Variants in FLNC observed in about 807,000 individuals in gnomAD.
FLNC encodes the protein filamin-C.
FLNC carries 91 observed loss-of-function variants against 254.3 expected under a neutral mutation model. That is an observed-to-expected ratio of 0.36 (90% CI 0.30 to 0.43). The LOEUF (loss-of-function observed/expected upper bound fraction) is 0.43, where lower values mean the gene tolerates loss of function less well. Ranked by LOEUF, FLNC falls within the 20% of genes least tolerant of loss-of-function variation. FLNC has a pLI of 1.00. For missense variants in FLNC, 2,853 were observed against 3,802.6 expected (o/e 0.75, Z 6.57); for synonymous variants, 1,430 against 1,577.2 (o/e 0.91, Z 2.21).
chr7:128,843,512 C>T lies in FLNC; in HGVS notation c.2746C>T (p.Arg916Trp), dbSNP rs762095761. Reference sequence around the variant, plus strand: ...AGGGACAGCCAAGGGCGAGGTTGTGCGGGACTTTGAGATCATAGACAACCA... The same window carrying T: ...AGGGACAGCCAAGGGCGAGGTTGTGTGGGACTTTGAGATCATAGACAACCA... ...FAGTAKGEVVRDFEIIDNHDY... is the reference protein window; with the variant it reads ...FAGTAKGEVVWDFEIIDNHDY... The change falls in exon 18 of 48, where the codon CGG becomes TGG. Residue 916 changes from arginine (R) to tryptophan (W), a missense_variant. Arg to Trp is a moderately radical substitution (Grantham distance 101, BLOSUM62 -3). Coordinates refer to ENST00000325888, the MANE Select transcript of FLNC (RefSeq NM_001458.5). The T allele has an allele frequency of 5.6e-6, 9 of 1,613,892 alleles. No homozygotes were observed. Among genetic ancestry groups the T allele is most frequent in the Admixed American group, 3.3e-5 (2 of 59,998 alleles).
Position 128,841,270 on chromosome 7 carries a change from C to T in FLNC, c.1914C>T (p.Tyr638=), listed in dbSNP as rs757352623. 24 of 1,613,942 alleles carry T rather than the reference C, an allele frequency of 1.5e-5. 1 individual carries two copies. The highest frequency in any genetic ancestry group is 1.7e-5 in the Admixed American group (1 of 60,000). The change falls in exon 12 of 48, where the codon TAC becomes TAT. Residue 638 remains tyrosine (Y), a synonymous_variant. Transcript: ENST00000325888. The surrounding 1 kb of genome is among the most constrained non-coding windows in gnomAD (Gnocchi z 4.3). The stretch of plus-strand genomic sequence containing the variant: ...ACTGGCCCACGGAGCCTGGGGAGTA[C>T]GCTGTGCACGTCATCTGTGACGATG... ...VRYWPTEPGE[Y]AVHVICDDED...
Position 128,841,953 on chromosome 7 carries a change from C to A in FLNC, c.2122-278C>A, listed in dbSNP as rs1449576940. 6.6e-6 allele frequency among the ~76,000 whole-genome samples: 1 copy of A among 152,134 alleles called. No homozygotes were observed. On this transcript the variant is annotated intron_variant, in intron 13 of 47. Coordinates refer to ENST00000325888, the MANE Select transcript of FLNC (RefSeq NM_001458.5). The surrounding 1 kb of genome is among the most constrained non-coding windows in gnomAD (Gnocchi z 4.3). The stretch of plus-strand genomic sequence containing the variant: ...AAGGCTCATGATTCAGTTTTAGGAA[C>A]ATAAATTTAGCCCACACTCTTCCTG...
In FLNC at chr7:128,838,619, T is replaced by C. The variant is rs375033262; in HGVS notation, c.1227T>C (p.Asp409=). The change falls in exon 8 of 48, where the codon GAT becomes GAC. Residue 409 remains aspartate, a synonymous_variant. Transcript: ENST00000325888. ...TTTCGGCAGGGGCCGGCACTGGCGA[T>C]GTTGCTGTGGTGATCGTGGACCCAC... ...DIYTAGAGTG[D]VAVVIVDPQG... The C allele has an allele frequency of 1.9e-5, 31 of 1,612,792 alleles. No individual in the cohort carries two copies. The highest frequency in any genetic ancestry group is 2.5e-5 in the Non-Finnish European group (30 of 1,179,978).
Position 128,830,545 on chromosome 7 carries a change from C to A in FLNC, c.-93C>A. 9.7e-7 allele frequency: 1 copy of A among 1,033,010 alleles called. No homozygotes were observed. 64.0% of individuals were successfully genotyped at this position (1,033,010 alleles called of 1,614,324 possible). On this transcript the variant is annotated 5_prime_UTR_variant, in exon 1 of 48. Transcript: ENST00000325888. ...TGGAGAGGAGAGCAGCGCAGCGCAG[C>A]GAGTCCCGTGGTCGCGCCCCAACAG...
Position 128,830,944 on chromosome 7 carries a change from G to A in FLNC, c.307G>A (p.Ala103Thr). 6.2e-7 allele frequency: 1 copy of A among 1,611,898 alleles called. No homozygotes were observed. The highest frequency in any genetic ancestry group is 8.5e-7 in the Non-Finnish European group (1 of 1,179,962). ...RQMKLENVSV[A>T]LEFLEREHIK... ...AATGAAGCTGGAGAACGTGTCCGTG[G>A]CCCTCGAGTTCCTCGAGCGCGAGCA... Residue 103 changes from alanine (A) to threonine (T), a missense_variant, in exon 1 of 48, where the codon GCC becomes ACC. By Grantham distance (58) the Ala-to-Thr change is moderately conservative. Coordinates refer to ENST00000325888, the MANE Select transcript of FLNC (RefSeq NM_001458.5).
Position 128,836,136 on chromosome 7 carries a change from C to T in FLNC, c.601+562C>T, listed in dbSNP as rs554053509. ...AGGTGAGCCAGCCTTGCCCCTTCTC[C>T]GTGTAGGTCCTGGCCTGGTCAAGTG... On this transcript the variant is annotated intron_variant, in intron 2 of 47. Coordinates refer to ENST00000325888, the MANE Select transcript of FLNC (RefSeq NM_001458.5). This position sits in a 1 kb window ranked among gnomAD's most constrained non-coding sequence, Gnocchi z 6.0. 2.0e-5 allele frequency among the ~76,000 whole-genome samples: 3 copies of T among 152,290 alleles called. No homozygotes were observed. Among genetic ancestry groups the T allele is most frequent in the African/African-American group, 7.2e-5 (3 of 41,574 alleles).
intron 18 of FLNC, 30 bp downstream of exon 18, chr7:128,843,607 C>T (rs369532954): frequency 3.6e-5 from 58 of 1,612,620 alleles, no homozygotes; most frequent in South Asian, 5.5e-5. Context: ...TGCTACCGCC[C>T]GGCCGGCCCG....
Position 128,858,515 on chromosome 7 carries a change from G to T in FLNC, c.8170G>T (p.Val2724Phe), listed in dbSNP as rs1220183666. 6 of 1,612,960 alleles carry T rather than the reference G, an allele frequency of 3.7e-6. No individual in the cohort carries two copies. The highest frequency in any genetic ancestry group is 1.3e-5 in the African/African-American group (1 of 74,704). The change falls in exon 48 of 48, where the codon GTC becomes TTC. Residue 2724 changes from valine (V) to phenylalanine (F), a missense_variant. By Grantham distance (50) the Val-to-Phe change is conservative (BLOSUM62 -1). This residue lies in a region of FLNC where 197 missense variants were observed against 351.5 expected (regional missense o/e 0.56). Transcript: ENST00000325888. This position sits in a 1 kb window ranked among gnomAD's most constrained non-coding sequence, Gnocchi z 6.7. Reference sequence around the variant, plus strand: ...CCCTGGAAGCCCCTTCAAAGTCAAGGTCCCTTGAATCCCAAAAGTGCCTCC... The same window carrying T: ...CCCTGGAAGCCCCTTCAAAGTCAAGTTCCCTTGAATCCCAAAAGTGCCTCC... ...SVPGSPFKVK[V>F]P is the part of the protein sequence containing the mutation.
chr7:128,839,976 T>A (rs1808258667), intron 8 of FLNC, 47 bp from the exon 9 acceptor site: 2 of 1,602,818 alleles, frequency 1.2e-6, no homozygotes, highest in South Asian at 2.2e-5. Flanking sequence ...GGGCTAGTGG[T>A]CCAAGGCCCC....
intron 8 of FLNC, among the ~76,000 whole-genome samples, chr7:128,839,070 C>T (rs1423409628): frequency 6.6e-6 from 1 of 152,212 alleles, no homozygotes; most frequent in Non-Finnish European, 1.5e-5. Context: ...GCATGCCAAG[C>T]CCTCAGGTGG....
rs1347416634 is a variant in FLNC, at chr7:128,848,700, C to T, written c.4720C>T (p.Leu1574Phe). 2 of 1,613,500 alleles carry T rather than the reference C, an allele frequency of 1.2e-6. No individual in the cohort carries two copies. The highest frequency in any genetic ancestry group is 1.7e-6 in the Non-Finnish European group (2 of 1,180,040). Residue 1574 changes from leucine (L) to phenylalanine (F), a missense_variant, in exon 27 of 48, where the codon CTC becomes TTC. Physicochemically the swap from Leu to Phe is conservative, Grantham distance 22. This residue lies in a region of FLNC where 1,573 missense variants were observed against 1,883.5 expected (regional missense o/e 0.84). Transcript: ENST00000325888. ...CGCACGGGACGCGGGCGAGGGGTTG[C>T]TCACTGTCCAGATCTTGGTGAGTCT... ...IDARDAGEGLLTVQILDPEGK... is the reference protein window; with the variant it reads ...IDARDAGEGLFTVQILDPEGK...
In FLNC at chr7:128,843,256, A is replaced by G; in HGVS notation, c.2578A>G (p.Lys860Glu). The G allele has an allele frequency of 2.5e-6, 4 of 1,608,912 alleles. No individual in the cohort carries two copies. Among genetic ancestry groups the G allele is most frequent in the Non-Finnish European group, 3.4e-6 (4 of 1,177,652 alleles). Residue 860 changes from lysine (K) to glutamate (E), a missense_variant, in exon 17 of 48, where the codon AAG (lysine) becomes GAG (glutamate). Lys to Glu is a moderately conservative substitution (Grantham distance 56, BLOSUM62 1). Around this residue, in one of 10 missense-constraint regions of FLNC, gnomAD observed 1,573 missense variants for 1,883.5 expected, o/e 0.84. Transcript: ENST00000325888. Reference protein sequence around the residue: ...QEIPASPFHIKVDPSHDASKV... With the variant: ...QEIPASPFHIEVDPSHDASKV... ...GATCCCCGCCAGCCCCTTCCACATC[A>G]AGGTGGACCCATCCCACGATGCCAG...
chr7:128,842,111 G>C lies in FLNC; in HGVS notation c.2122-120G>C. The C allele has an allele frequency of 9.5e-7, 1 of 1,054,184 alleles. No individual in the cohort carries two copies. Among genetic ancestry groups the C allele is most frequent in the East Asian group, 2.6e-5 (1 of 38,622 alleles). The allele number at this position is 1,054,184 out of a possible 1,614,324, so 65.3% of individuals were successfully genotyped here. ...TGGGCTCTGGTGGCCTCAGTGGCTG[G>C]TGTGGGGGCGGGAGTGCCAGTGTTG... On this transcript the variant is annotated intron_variant, in intron 13 of 47. Coordinates refer to ENST00000325888, the MANE Select transcript of FLNC (RefSeq NM_001458.5). This position sits in a 1 kb window ranked among gnomAD's most constrained non-coding sequence, Gnocchi z 5.4.
chr7:128,840,696 T>G lies in FLNC; in HGVS notation c.1676+22T>G, dbSNP rs753503599. On this transcript the variant is annotated intron_variant, in intron 10 of 47. Transcript: ENST00000325888. ...GCAGGTGAGTACCTTGCGCCCCCCA[T>G]GCTGTCCTGTCTAGGCCATCACAGG... 6 of 1,612,644 alleles carry G rather than the reference T, an allele frequency of 3.7e-6. No individual in the cohort carries two copies. In the Admixed American group the frequency reaches 1.0e-4, roughly 27 times the overall value.
chr7:128,849,253 G>A (rs756371327), intron 29 of FLNC, 49 bp downstream of exon 29: 82 of 1,613,980 alleles, frequency 5.1e-5, no homozygotes, highest in African/African-American at 4.3e-4. Context: ...GGTGGTTGGC[G>A]GTAGGGGGCG....
intron 28 of FLNC, 73 bp from the exon 29 acceptor site, chr7:128,849,108 C>A: frequency 1.3e-6 from 2 of 1,552,626 alleles, no homozygotes; most frequent in South Asian, 1.1e-5. Flanking sequence ...CTGGCCCCTC[C>A]CTCCCTCACC....
rs763698034 is a variant in FLNC, at chr7:128,850,053, C to T, written c.5277C>T (p.Pro1759=). The change falls in exon 31 of 48, where the codon CCC becomes CCT. Residue 1759 remains proline, a synonymous_variant. Coordinates refer to ENST00000325888, the MANE Select transcript of FLNC (RefSeq NM_001458.5). ...GCCAGCCCTACGCTCCTCCCCGGCC[C>T]GGCGCCCGCCCCACACACTGGGTAC... ...QLRQPYAPPR[P]GARPTHWATE... 27 of 1,542,748 alleles carry T rather than the reference C, an allele frequency of 1.8e-5. No homozygotes were observed. The highest frequency in any genetic ancestry group is 1.4e-4 in the African/African-American group (10 of 73,294).
In FLNC at chr7:128,851,271, G is replaced by T. The variant is rs1019973830; in HGVS notation, c.5579G>T (p.Arg1860Leu). The T allele has an allele frequency of 8.7e-6, 14 of 1,614,056 alleles. No homozygotes were observed. The highest frequency in any genetic ancestry group is 1.1e-5 in the Non-Finnish European group (13 of 1,180,018). ...LQFYVDAINS[R>L]HVSAYGPGLS... ...TTCTATGTGGATGCCATCAACAGCC[G>T]CCATGTCAGTGCCTATGGGCCAGGC... is the stretch of plus-strand genomic sequence containing the variant. The change falls in exon 34 of 48, where the codon CGC (arginine) becomes CTC (leucine). Residue 1860 changes from arginine (R) to leucine (L), a missense_variant. Arg to Leu is a moderately radical substitution (Grantham distance 102, BLOSUM62 -2). Transcript: ENST00000325888.
chr7:128,840,418 G>A, intron 9 of FLNC, 130 bp from the exon 10 acceptor site: 1 of 1,236,564 alleles, frequency 8.1e-7, no homozygotes. Context: ...GCCCTGAGTT[G>A]CAGCACTGCT....
Sources: allele counts gnomAD v4.1 joint callset (sites outside exome capture counted in the v4.1 genomes callset), GRCh38; gene constraint gnomAD v4.1.1; regional missense constraint gnomAD v4.1.1; non-coding constraint Gnocchi (gnomAD v3.1); transcripts MANE v1.5; gene names NCBI Gene and HGNC (gene_info 2026-07-23, HGNC 2026-07-21).